TEAD4: variants seen among roughly 807,000 people sequenced by gnomAD.
The protein encoded by TEAD4 is TEA domain transcription factor 4.
Under a neutral mutation model 52.4 loss-of-function variants are expected in TEAD4, and 36 were observed. The ratio of observed to expected loss-of-function variants is 0.69; its 90% confidence interval spans 0.53 to 0.91. TEAD4 has a LOEUF of 0.91. Ranked by LOEUF, TEAD4 falls within the 40% of genes least tolerant of loss-of-function variation. TEAD4 has a pLI of 0.00. For missense variants in TEAD4, 508 were observed against 583.9 expected (o/e 0.87, Z 1.34); for synonymous variants, 220 against 231.0 (o/e 0.95, Z 0.43).
At chr12:2,972,209 G>T (rs187059709) in intron 2 of TEAD4, among the ~76,000 whole-genome samples, 136 of 152,210 alleles carry the variant, frequency 8.9e-4, no homozygotes, top group African/African-American at 3.1e-3. Flanking sequence ...CTCCTGAGTA[G>T]CTGGGACCAC....
intron 3 of TEAD4, 136 bp downstream of exon 3, chr12:2,995,128 T>C: frequency 3.0e-6 from 3 of 997,420 alleles, no homozygotes; most frequent in East Asian, 3.7e-5. Context: ...CTTTCTTCCC[T>C]CCTGGGCTCC....
intron 11 of TEAD4, 112 bp downstream of exon 11, chr12:3,038,220 C>T (rs2098280594): frequency 3.6e-6 from 5 of 1,376,990 alleles, no homozygotes; most frequent in South Asian, 1.4e-5. Flanking sequence ...CAGGATAATC[C>T]CTTGTTGCCT....
intron 2 of TEAD4, among the ~76,000 whole-genome samples, chr12:2,965,263 A>G (rs1259342194): frequency 6.6e-6 from 1 of 152,024 alleles, no homozygotes; most frequent in Non-Finnish European, 1.5e-5. Context: ...GGGCTCAAGC[A>G]ATCCTCATTG....
chr12:3,007,658 A>G (rs2098257025), intron 3 of TEAD4, among the ~76,000 whole-genome samples: 1 of 152,228 alleles, frequency 6.6e-6, no homozygotes, highest in Non-Finnish European at 1.5e-5. Flanking sequence ...TGACAGATGT[A>G]TGCACCTGTG....
chr12:2,974,517 C>T, intron 2 of TEAD4, among the ~76,000 whole-genome samples: 1 of 152,174 alleles, frequency 6.6e-6, no homozygotes, highest in East Asian at 1.9e-4. Flanking sequence ...CTTCATTCTT[C>T]CCCCTGGGGG....
chr12:3,037,953 A>T lies in TEAD4; in HGVS notation c.898-15A>T. 10 of 1,605,832 alleles carry T rather than the reference A, an allele frequency of 6.2e-6. No individual in the cohort carries two copies. The highest frequency in any genetic ancestry group is 8.5e-6 in the Non-Finnish European group (10 of 1,174,284). ...CCTGCTGACACTCCCTCGCCTTCCC[A>T]CTGTCTCCCTCCAGGCAGACCTCAA... On this transcript the variant is annotated splice_polypyrimidine_tract_variant and intron_variant, in intron 10 of 12. Transcript: ENST00000359864.
intron 2 of TEAD4, among the ~76,000 whole-genome samples, chr12:2,963,234 T>A (rs1408194527): frequency 1.3e-5 from 2 of 152,140 alleles, no homozygotes; most frequent in Admixed American, 1.3e-4. Flanking sequence ...CACTCTGGAG[T>A]CTTGCCCCGG....
intron 2 of TEAD4, among the ~76,000 whole-genome samples, chr12:2,980,832 G>A (rs1371965321): frequency 6.6e-6 from 1 of 152,156 alleles, no homozygotes; most frequent in Non-Finnish European, 1.5e-5. Flanking sequence ...AGGGCGAGGC[G>A]GGCAGATGTC....
At chr12:3,000,127 G>A (rs572048263) in intron 3 of TEAD4, among the ~76,000 whole-genome samples, 1 of 152,302 alleles carries the variant, frequency 6.6e-6, no homozygotes, top group Admixed American at 6.5e-5. Context: ...GGTCTAATGA[G>A]AGGGGCAGGA....
At chr12:2,978,349 G>A (rs1464665413) in intron 2 of TEAD4, among the ~76,000 whole-genome samples, 1 of 150,932 alleles carries the variant, frequency 6.6e-6, no homozygotes, top group Non-Finnish European at 1.5e-5. Flanking sequence ...AAACTGAAAC[G>A]CTGTACCCGT....
chr12:2,965,111 G>T (rs1365805094), intron 2 of TEAD4, among the ~76,000 whole-genome samples: 5 of 152,108 alleles, frequency 3.3e-5, no homozygotes. Context: ...CCTGGAAATG[G>T]CAGACTCCTA....
Position 3,040,326 on chromosome 12 carries a change from C to A in TEAD4, c.1192-39C>A, listed in dbSNP as rs748291108. On this transcript the variant is annotated intron_variant, in intron 12 of 12. Coordinates refer to ENST00000359864, the MANE Select transcript of TEAD4 (RefSeq NM_003213.4). ...GGGTAGCAGCCATGGCATGCCCCTT[C>A]TGGGGCCTTATTAACCCTTGTCTTT... 3 of 1,613,662 alleles carry A rather than the reference C, an allele frequency of 1.9e-6. No individual in the cohort carries two copies. In the African/African-American group the frequency reaches 4.0e-5, roughly 22 times the overall value.
In TEAD4 at chr12:3,037,852, C is replaced by G; in HGVS notation, c.898-116C>G. 6 of 1,280,292 alleles carry G rather than the reference C, an allele frequency of 4.7e-6. No individual in the cohort carries two copies. The South Asian group carries it at 9.3e-5, about 20-fold the overall frequency. The allele number at this position is 1,280,292 out of a possible 1,614,324, so 79.3% of individuals were successfully genotyped here. On this transcript the variant is annotated intron_variant, in intron 10 of 12. Transcript: ENST00000359864. ...TTTCTGGCGTCCTACTGTCTACCCTCAGTCTGATTTCTTCCCAGCCCTAGA... is the reference window on the plus strand; with the variant it reads ...TTTCTGGCGTCCTACTGTCTACCCTGAGTCTGATTTCTTCCCAGCCCTAGA...
At chr12:2,973,220 C>T (rs540977303) in intron 2 of TEAD4, among the ~76,000 whole-genome samples, 129 of 152,272 alleles carry the variant, frequency 8.5e-4, no homozygotes, top group Non-Finnish European at 8.1e-4. Flanking sequence ...CACAGGCACA[C>T]GCCACCACGC....
intron 2 of TEAD4, among the ~76,000 whole-genome samples, chr12:2,990,622 T>C (rs547993301): frequency 1.2e-4 from 18 of 152,034 alleles, no homozygotes; most frequent in African/African-American, 4.3e-4. Context: ...TGTGCCACCA[T>C]GCCAAGCTAA....
At chr12:3,005,765 C>T (rs1371600281) in intron 3 of TEAD4, among the ~76,000 whole-genome samples, 1 of 152,134 alleles carries the variant, frequency 6.6e-6, no homozygotes, top group Non-Finnish European at 1.5e-5. Flanking sequence ...ACCCAAAGTG[C>T]TGGAATTATA....
chr12:2,993,328 G>A (rs533156060), intron 2 of TEAD4, among the ~76,000 whole-genome samples: 17 of 152,122 alleles, frequency 1.1e-4, no homozygotes, highest in Non-Finnish European at 2.2e-4. Flanking sequence ...GACCACTTAA[G>A]AACATTTTGT....
chr12:2,979,147 C>T (rs1591560801), intron 2 of TEAD4, among the ~76,000 whole-genome samples: 3 of 152,300 alleles, frequency 2.0e-5, no homozygotes, highest in Admixed American at 2.0e-4. Flanking sequence ...AGCTCCCGAC[C>T]TCAGGTGATC....
At chr12:3,020,318 G>T (rs961573850) in intron 8 of TEAD4, among the ~76,000 whole-genome samples, 9 of 152,186 alleles carry the variant, frequency 5.9e-5, no homozygotes, top group African/African-American at 2.2e-4. Flanking sequence ...ACTTAACAGT[G>T]CCTGTTCTGG....
Sources: allele counts gnomAD v4.1 joint callset (sites outside exome capture counted in the v4.1 genomes callset), GRCh38; gene constraint gnomAD v4.1.1; transcripts MANE v1.5; gene names NCBI Gene and HGNC (gene_info 2026-07-23, HGNC 2026-07-21).